Variants in RNF152 observed in about 807,000 individuals in gnomAD.
RNF152 encodes E3 ubiquitin-protein ligase RNF152.
In RNF152, 11 loss-of-function variants were observed where a neutral mutation model predicts 12.7. The ratio of observed to expected loss-of-function variants is 0.86; its 90% confidence interval spans 0.54 to 1.43. The LOEUF (loss-of-function observed/expected upper bound fraction) is 1.43, where lower values mean the gene tolerates loss of function less well. RNF152 is among the 40% of genes most tolerant of loss of function. The probability of loss-of-function intolerance (pLI) is 0.00; values close to 1 mark genes in which losing one functional copy is unlikely to be tolerated. For missense variants in RNF152, 255 were observed against 274.8 expected, an observed-to-expected ratio of 0.93 and a Z score of 0.51; for synonymous variants, 113 against 120.3, an observed-to-expected ratio of 0.94 and a Z score of 0.40.
Position 61,812,970 on chromosome 18 carries a change from G to C in RNF152, c.*2882C>G, listed in dbSNP as rs78179423. 37,637 of 152,076 alleles carry C rather than the reference G, an allele frequency of 0.25. 4,816 individuals carry two copies. The highest frequency in any genetic ancestry group is 0.31 in the African/African-American group (12,808 of 41,468). The allele number at this position is 152,076 out of a possible 1,614,324, so 9.4% of individuals were successfully genotyped here. On this transcript the variant is annotated 3_prime_UTR_variant, in exon 2 of 2. Transcript: ENST00000312828. ...ACCTAGGATGGAGCAAGAAGACACT[G>C]CAGTGCGAAGTTCATATCCCCCCCT...
chr18:61,877,178 C>A (rs1002480424), intron 1 of RNF152, among the ~76,000 whole-genome samples: 1 of 152,196 alleles, frequency 6.6e-6, no homozygotes, highest in Non-Finnish European at 1.5e-5. Flanking sequence ...CACATGGGCA[C>A]CAAATGAAAC....
chr18:61,829,726 G>A (rs1221377934), intron 1 of RNF152, among the ~76,000 whole-genome samples: 1 of 152,046 alleles, frequency 6.6e-6, no homozygotes, highest in Non-Finnish European at 1.5e-5. Flanking sequence ...AAAGCAAGGG[G>A]TGCTGAGAAA....
chr18:61,826,390 A>G (rs1418801645), intron 1 of RNF152, among the ~76,000 whole-genome samples: 5 of 152,164 alleles, frequency 3.3e-5, no homozygotes, highest in Admixed American at 6.5e-5. Flanking sequence ...CACACATCTT[A>G]TCACAAAAAC....
chr18:61,892,479 C>T (rs1913007682), intron 1 of RNF152, among the ~76,000 whole-genome samples: 1 of 152,142 alleles, frequency 6.6e-6, no homozygotes, highest in Admixed American at 6.5e-5. Flanking sequence ...GATAAGAAAG[C>T]AGGCATCTAT....
rs1363503563 is a variant in RNF152 at position 61,813,166 on chromosome 18, T to C, written c.*2686A>G. ...GGGTAGATGTGTTTGTTAAGGGTCA[T>C]TGGTAAATGCCAGAAGAGGCCAGAG... On this transcript the variant is annotated 3_prime_UTR_variant, in exon 2 of 2. Coordinates refer to ENST00000312828, the MANE Select transcript of RNF152 (RefSeq NM_173557.3). The C allele has an allele frequency of 6.6e-6, 1 of 152,054 alleles. No homozygotes were observed. The highest frequency in any genetic ancestry group is 1.9e-4 in the East Asian group (1 of 5,196). 9.4% of individuals were successfully genotyped at this position (152,054 alleles called of 1,614,324 possible).
At chr18:61,877,379 C>T (rs1168703986) in intron 1 of RNF152, among the ~76,000 whole-genome samples, 1 of 152,178 alleles carries the variant, frequency 6.6e-6, no homozygotes, top group Non-Finnish European at 1.5e-5. Flanking sequence ...ATTTCAAAGA[C>T]TGTCATATTA....
intron 1 of RNF152, among the ~76,000 whole-genome samples, chr18:61,831,458 C>T (rs1450411195): frequency 6.6e-6 from 1 of 152,140 alleles, no homozygotes; most frequent in African/African-American, 2.4e-5. Context: ...TATTCAATAA[C>T]GCCAGGATGA....
intron 1 of RNF152, among the ~76,000 whole-genome samples, chr18:61,855,503 A>G (rs1306837915): frequency 6.6e-6 from 1 of 152,170 alleles, no homozygotes; most frequent in Non-Finnish European, 1.5e-5. Context: ...CGCATCTCCA[A>G]CTTTCTGGGT....
intron 1 of RNF152, among the ~76,000 whole-genome samples, chr18:61,856,918 G>A (rs576594702): frequency 7.2e-5 from 11 of 152,260 alleles, no homozygotes; most frequent in Admixed American, 3.9e-4. Context: ...TCACCTAAGC[G>A]TTATTTACAA....
chr18:61,849,610 TA>T (rs1287119706), intron 1 of RNF152, among the ~76,000 whole-genome samples: 1 of 152,240 alleles, frequency 6.6e-6, no homozygotes, highest in Non-Finnish European at 1.5e-5. Context: ...GGAAAGTTCT[TA>T]AAACTATGGT....
In RNF152 at chr18:61,808,971, A is replaced by G. The variant is rs1912826940; in HGVS notation, c.*6881T>C. On this transcript the variant is annotated 3_prime_UTR_variant, in exon 2 of 2. Coordinates refer to ENST00000312828, the MANE Select transcript of RNF152 (RefSeq NM_173557.3). ...GAGCACATTACCCCACATGTCTTCA[A>G]CTGAAGCATCCTGAATTGAACTTGG... The G allele has an allele frequency of 6.6e-6, 1 of 152,238 alleles. No homozygotes were observed. Among genetic ancestry groups the G allele is most frequent in the East Asian group, 1.9e-4 (1 of 5,190 alleles). The allele number at this position is 152,238 out of a possible 1,614,324, so 9.4% of individuals were successfully genotyped here.
At chr18:61,884,076 G>C (rs894414832) in intron 1 of RNF152, among the ~76,000 whole-genome samples, 2 of 152,202 alleles carry the variant, frequency 1.3e-5, no homozygotes, top group African/African-American at 4.8e-5. Flanking sequence ...TGAGCCCAAT[G>C]ATTGGTGGAT....
rs377709960 is a variant in RNF152, at chr18:61,816,291, G to A, written c.173C>T (p.Thr58Ile). 6.2e-7 allele frequency: 1 copy of A among 1,614,206 alleles called. No homozygotes were observed. Among genetic ancestry groups the A allele is most frequent in the East Asian group, 2.2e-5 (1 of 44,872 alleles). Residue 58 changes from threonine to isoleucine, a missense_variant, in exon 2 of 2, where the codon ACC (threonine) becomes ATC (isoleucine). By Grantham distance (89) the Thr-to-Ile change is moderately conservative. Transcript: ENST00000312828. ...DVRCPWCRGV[T>I]KLPPGFSVSQ... ...CACGGAGAAGCCGGGAGGCAGCTTG[G>A]TGACACCGCGGCACCAGGGGCACCG...
rs1366877806 is a variant in RNF152, at chr18:61,815,410, G to A, written c.*442C>T. 4 of 154,164 alleles carry A rather than the reference G, an allele frequency of 2.6e-5. No individual in the cohort carries two copies. The highest frequency in any genetic ancestry group is 4.3e-5 in the Non-Finnish European group (3 of 69,470). 9.5% of individuals were successfully genotyped at this position (154,164 alleles called of 1,614,324 possible). A position where few individuals can be genotyped will look rare whatever the true frequency, so the allele number is the denominator to read the frequency against. Reference sequence around the variant, plus strand: ...GAAAAAAAAAATAAAGAAGCCAGCAGTGCATGTCTTCACTGAATTTTTACA... The same window carrying A: ...GAAAAAAAAAATAAAGAAGCCAGCAATGCATGTCTTCACTGAATTTTTACA... On this transcript the variant is annotated 3_prime_UTR_variant, in exon 2 of 2. Coordinates refer to ENST00000312828, the MANE Select transcript of RNF152 (RefSeq NM_173557.3).
chr18:61,887,599 C>G (rs1912757524), intron 1 of RNF152, among the ~76,000 whole-genome samples: 1 of 150,654 alleles, frequency 6.6e-6, no homozygotes, highest in Non-Finnish European at 1.5e-5. Context: ...ACTCGAGAGG[C>G]TGAGGCAGGA....
At chr18:61,837,328 A>T (rs982310446) in intron 1 of RNF152, among the ~76,000 whole-genome samples, 5 of 152,244 alleles carry the variant, frequency 3.3e-5, no homozygotes, top group Admixed American at 1.3e-4. Context: ...AAATGCCCAA[A>T]GTGATACAAG....
Position 61,869,511 on chromosome 18 carries a change from A to C in RNF152, c.-136+23284T>G, listed in dbSNP as rs1353853958. Among the ~76,000 whole-genome samples, 3 of 152,220 alleles carry C rather than the reference A, an allele frequency of 2.0e-5. No homozygotes were observed. The East Asian group carries it at 5.8e-4, about 29-fold the overall frequency. On this transcript the variant is annotated intron_variant, in intron 1 of 1. Transcript: ENST00000312828. ...ACTAAAGGTGAACACCCAGAGACCC[A>C]CTTGATAAAGGAACACAAACTTTTG...
intron 1 of RNF152, among the ~76,000 whole-genome samples, chr18:61,882,552 T>C (rs1296247577): frequency 1.3e-5 from 2 of 152,234 alleles, no homozygotes; most frequent in African/African-American, 4.8e-5. Flanking sequence ...GCTGGCAATT[T>C]GCTAAGGTTC....
intron 1 of RNF152, chr18:61,888,875 A>G (rs181814397): frequency 6.6e-6 from 1 of 152,336 alleles, no homozygotes; most frequent in Admixed American, 6.5e-5. Context: ...AACCACTTTC[A>G]TGCCACAAGA....
Sources: gnomAD v4.1 joint callset for allele counts (sites outside exome capture counted in the v4.1 genomes callset) on GRCh38, gnomAD v4.1.1 for gene constraint, MANE v1.5 for transcripts, NCBI Gene and HGNC (gene_info 2026-07-23, HGNC 2026-07-21) for gene names.